SRRT: variants seen among roughly 807,000 people sequenced by gnomAD.
The protein encoded by SRRT is serrate, RNA effector molecule.
In SRRT, 32 loss-of-function variants were observed where a neutral mutation model predicts 103.2. That is an observed-to-expected ratio of 0.31 (90% confidence interval 0.23 to 0.42). The LOEUF (loss-of-function observed/expected upper bound fraction) is 0.42. Among genes scored for constraint, SRRT ranks in the 10% least tolerant of loss-of-function variants. The probability of loss-of-function intolerance (pLI) is 1.00; values close to 1 mark genes in which losing one functional copy is unlikely to be tolerated. For synonymous variants in SRRT, 525 were observed against 449.0 expected, an observed-to-expected ratio of 1.17 and a Z score of -2.14; for missense variants, 986 against 1,207.5, an observed-to-expected ratio of 0.82 and a Z score of 2.72.
rs1444556975 is a variant in SRRT, at chr7:100,887,673, T to C, written c.2170-30T>C. 1.9e-6 allele frequency: 3 copies of C among 1,594,884 alleles called. No individual in the cohort carries two copies. Among genetic ancestry groups the C allele is most frequent in the South Asian group, 1.1e-5 (1 of 90,032 alleles). On this transcript the variant is annotated intron_variant, in intron 16 of 19. Coordinates refer to ENST00000611405, the MANE Select transcript of SRRT (RefSeq NM_015908.6). This position sits in a 1 kb window ranked among gnomAD's most constrained non-coding sequence, Gnocchi z 4.1. ...GGGAGCGAGGCAACCCTTATGTGGC[T>C]GTCCTGACCCCTCTCCTCTCTCCAC...
In SRRT at chr7:100,887,459, G is replaced by T. The variant is rs772294248; in HGVS notation, c.2115G>T (p.Thr705=). 1.2e-6 allele frequency: 2 copies of T among 1,614,040 alleles called. No homozygotes were observed. The highest frequency in any genetic ancestry group is 1.7e-6 in the Non-Finnish European group (2 of 1,180,034). The part of the protein sequence containing the change: ...QEVEKFVTSN[T]QELGKDKWLC... ...TGGAGAAGTTCGTCACCTCCAACACGCAGGAACTGGGCAAGGATAAGTGGC... is the reference window on the plus strand; with the variant it reads ...TGGAGAAGTTCGTCACCTCCAACACTCAGGAACTGGGCAAGGATAAGTGGC... Residue 705 remains threonine, a synonymous_variant, in exon 16 of 20, where the codon ACG becomes ACT. Coordinates refer to ENST00000611405, the MANE Select transcript of SRRT (RefSeq NM_015908.6). This position sits in a 1 kb window ranked among gnomAD's most constrained non-coding sequence, Gnocchi z 4.1.
rs766955917 is a variant in SRRT at position 100,882,025 on chromosome 7, A to G, written c.399-28A>G. The G allele has an allele frequency of 1.9e-6, 3 of 1,597,504 alleles. No individual in the cohort carries two copies. The highest frequency in any genetic ancestry group is 2.6e-6 in the Non-Finnish European group (3 of 1,172,880). ...AGCCTCCCACCGTTCCCCAAAAACC[A>G]AGCCTTCCTGACCGGGGTCCCCTCC... On this transcript the variant is annotated intron_variant, in intron 4 of 19. Coordinates refer to ENST00000611405, the MANE Select transcript of SRRT (RefSeq NM_015908.6). The surrounding 1 kb of genome is among the most constrained non-coding windows in gnomAD (Gnocchi z 4.2).
chr7:100,885,993 C>T lies in SRRT; in HGVS notation c.1458+52C>T. 1 of 1,578,828 alleles carries T rather than the reference C, an allele frequency of 6.3e-7. No individual in the cohort carries two copies. The highest frequency in any genetic ancestry group is 1.1e-5 in the South Asian group (1 of 90,224). On this transcript the variant is annotated intron_variant, in intron 12 of 19. Transcript: ENST00000611405. This position sits in a 1 kb window ranked among gnomAD's most constrained non-coding sequence, Gnocchi z 4.8. ...GAAGAGGAAGGGAGACTCTGTGCCA[C>T]ACGGGACCTCTGTGTGACTTTGTTC...
In SRRT at chr7:100,875,452, T is replaced by C. The variant is rs1217480212; in HGVS notation, c.-18-121T>C. On this transcript the variant is annotated intron_variant, in intron 1 of 19. Transcript: ENST00000611405. ...TGGAGCCGCGTTCTCAGGCCTAGGA[T>C]GGTGGGGGCCGCGGAGGGCTGGCCT... 3.2e-5 allele frequency: 49 copies of C among 1,530,134 alleles called. No homozygotes were observed. In the East Asian group the frequency reaches 1.1e-3, roughly 34 times the overall value. 94.8% of individuals were successfully genotyped at this position (1,530,134 alleles called of 1,614,324 possible).
chr7:100,878,176 G>A (rs951224853), intron 2 of SRRT, among the ~76,000 whole-genome samples: 1 of 152,114 alleles, frequency 6.6e-6, no homozygotes, highest in Non-Finnish European at 1.5e-5. Context: ...GCTGGGGGTG[G>A]TGGCACATGC....
At position 100,888,133 on chromosome 7, in the gene SRRT, G is replaced by A. The variant is rs920739431; in HGVS notation, c.2418G>A (p.Leu806=). ...MPYGQPRPPI[L]GYGAGAVRPA... ...ATGGTCAGCCCCGGCCCCCGATCTT[G>A]GGCTATGGAGGTAAGTACAGGAGGG... Residue 806 remains leucine (L), a synonymous_variant, in exon 18 of 20, where the codon TTG becomes TTA. Coordinates refer to ENST00000611405, the MANE Select transcript of SRRT (RefSeq NM_015908.6). The A allele has an allele frequency of 6.2e-7, 1 of 1,610,692 alleles. No individual in the cohort carries two copies. Among genetic ancestry groups the A allele is most frequent in the African/African-American group, 1.3e-5 (1 of 74,872 alleles).
chr7:100,886,266 G>C lies in SRRT; in HGVS notation c.1478G>C (p.Ser493Thr). The change falls in exon 13 of 20, where the codon AGC (serine) becomes ACC (threonine). Residue 493 changes from serine to threonine, a missense_variant. By Grantham distance (58) the Ser-to-Thr change is moderately conservative. Transcript: ENST00000611405. ...CTCCAGCTCCGGGAGTGTGAGCTGA[G>C]CCCTGGTGTGAACAGGGACCTGACC... ...QNIRLRECEL[S>T]PGVNRDLTRR... is the part of the protein sequence containing the mutation. 2.5e-6 allele frequency: 4 copies of C among 1,612,394 alleles called. No individual in the cohort carries two copies. The South Asian group carries it at 4.4e-5, about 18-fold the overall frequency.
chr7:100,881,937 T>C, intron 4 of SRRT, 116 bp from the exon 5 acceptor site: 3 of 1,470,092 alleles, frequency 2.0e-6, no homozygotes, highest in Non-Finnish European at 2.7e-6. Flanking sequence ...TGGTAGCTGT[T>C]GGGGTTTGGG....
At chr7:100,879,106 C>T (rs1056804857) in intron 2 of SRRT, among the ~76,000 whole-genome samples, 1 of 152,102 alleles carries the variant, frequency 6.6e-6, no homozygotes, top group Admixed American at 6.6e-5. Flanking sequence ...CAGGTGCCTG[C>T]CACCACGCCC....
rs773092336 is a variant in SRRT at position 100,881,712 on chromosome 7, G to C, written c.305G>C (p.Gly102Ala). 7 of 1,613,772 alleles carry C rather than the reference G, an allele frequency of 4.3e-6. No individual in the cohort carries two copies. Among genetic ancestry groups the C allele is most frequent in the African/African-American group, 4.0e-5 (3 of 74,888 alleles). The change falls in exon 4 of 20, where the codon GGG becomes GCG. Residue 102 changes from glycine to alanine, a missense_variant. Transcript: ENST00000611405. ...YHSGYEMPYA[G>A]GGGGPTYGPP... ...AGTGGCTATGAGATGCCCTATGCTGGGGGGGGTGGGGGCCCAACTTATGGC... is the reference window on the plus strand; with the variant it reads ...AGTGGCTATGAGATGCCCTATGCTGCGGGGGGTGGGGGCCCAACTTATGGC...
chr7:100,884,499 G>T lies in SRRT; in HGVS notation c.889G>T (p.Asp297Tyr), dbSNP rs756497699. The T allele has an allele frequency of 6.2e-7, 1 of 1,613,504 alleles. No homozygotes were observed. The highest frequency in any genetic ancestry group is 8.5e-7 in the Non-Finnish European group (1 of 1,179,758). Residue 297 changes from aspartate (D) to tyrosine (Y), a missense_variant, in exon 7 of 20, where the codon GAC becomes TAC. Around this residue, in one of 6 missense-constraint regions of SRRT, gnomAD observed 166 missense variants for 148.6 expected, o/e 1.12. Coordinates refer to ENST00000611405, the MANE Select transcript of SRRT (RefSeq NM_015908.6). ...EEGRAGAGLG[D>Y]GERKTNDKDE... is the part of the protein sequence containing the mutation. ...AGGACGGGCTGGAGCAGGCCTAGGG[G>T]ACGGGGAGCGCAAAACCAACGACAA...
At chr7:100,877,073 T>C (rs1376954070) in intron 2 of SRRT, among the ~76,000 whole-genome samples, 1 of 151,848 alleles carries the variant, frequency 6.6e-6, no homozygotes, top group African/African-American at 2.4e-5. Context: ...ATAGCAATGA[T>C]GGGTAAAACC....
Position 100,885,607 on chromosome 7 carries a change from G to T in SRRT, c.1318-94G>T, listed in dbSNP as rs1477635053. On this transcript the variant is annotated intron_variant, in intron 10 of 19. Coordinates refer to ENST00000611405, the MANE Select transcript of SRRT (RefSeq NM_015908.6). The surrounding 1 kb of genome is among the most constrained non-coding windows in gnomAD (Gnocchi z 4.8). The stretch of plus-strand genomic sequence containing the variant: ...CAAGGATGGGAAGAGTGATAAGGCA[G>T]TTAGTCCCTAGGGTTCTGAGGGCAG... 1 of 1,350,240 alleles carries T rather than the reference G, an allele frequency of 7.4e-7. No homozygotes were observed. The highest frequency in any genetic ancestry group is 1.0e-6 in the Non-Finnish European group (1 of 964,710). 83.6% of individuals were successfully genotyped at this position (1,350,240 alleles called of 1,614,324 possible). A position where few individuals can be genotyped will look rare whatever the true frequency, so the allele number is the denominator to read the frequency against.
rs1308932997 is a variant in SRRT at position 100,875,307 on chromosome 7, C to A, written c.-40C>A. On this transcript the variant is annotated 5_prime_UTR_variant, in exon 1 of 20. Coordinates refer to ENST00000611405, the MANE Select transcript of SRRT (RefSeq NM_015908.6). ...AATCTAGCCCGTCCGAGCGCGAGTC[C>A]AACGGCCGCGGCCGCACCAAGGTGG... 6.3e-6 allele frequency: 7 copies of A among 1,103,382 alleles called. No homozygotes were observed. The highest frequency in any genetic ancestry group is 8.1e-6 in the Non-Finnish European group (7 of 865,876). 68.3% of individuals were successfully genotyped at this position (1,103,382 alleles called of 1,614,324 possible).
At position 100,882,875 on chromosome 7, in the gene SRRT, C is replaced by T. The variant is rs1468451853; in HGVS notation, c.587+634C>T. The T allele has an allele frequency of 3.3e-5, 5 of 152,996 alleles. No individual in the cohort carries two copies. Among genetic ancestry groups the T allele is most frequent in the East Asian group, 1.9e-4 (1 of 5,160 alleles). The allele number at this position is 152,996 out of a possible 1,614,324, so 9.5% of individuals were successfully genotyped here. ...GCCCCTGGGCTGAGCTGCGCGGCCC[C>T]GGCCAGGCAGACAGGCCAGGGCACT... is the stretch of plus-strand genomic sequence containing the variant. On this transcript the variant is annotated intron_variant, in intron 5 of 19. Coordinates refer to ENST00000611405, the MANE Select transcript of SRRT (RefSeq NM_015908.6). The surrounding 1 kb of genome is among the most constrained non-coding windows in gnomAD (Gnocchi z 4.2).
At chr7:100,878,914 C>T (rs1182214486) in intron 2 of SRRT, among the ~76,000 whole-genome samples, 5 of 151,784 alleles carry the variant, frequency 3.3e-5, no homozygotes, top group African/African-American at 1.2e-4. Flanking sequence ...CCTTTCTTTT[C>T]TTTTCTTTTC....
intron 2 of SRRT, chr7:100,880,656 T>A (rs1177728072): frequency 4.9e-6 from 2 of 408,854 alleles, no homozygotes. Context: ...GGACTTCTAG[T>A]AGGGGATGAT....
Position 100,888,246 on chromosome 7 carries a change from C to G in SRRT, c.2429-11C>G. ...CATAGTTTTGCAACTCAACACTGAT[C>G]TCTGTCATAGCTGGTGCTGTCCGCC... On this transcript the variant is annotated splice_polypyrimidine_tract_variant and intron_variant, in intron 18 of 19. Coordinates refer to ENST00000611405, the MANE Select transcript of SRRT (RefSeq NM_015908.6). 6.2e-7 allele frequency: 1 copy of G among 1,605,270 alleles called. No homozygotes were observed. Among genetic ancestry groups the G allele is most frequent in the South Asian group, 1.1e-5 (1 of 90,636 alleles).
rs190000691 is a variant in SRRT at position 100,882,633 on chromosome 7, C to T, written c.587+392C>T. ...ATCCAGACAAGAAAAGCAAAGATCT[C>T]GGTCGTTTGACAGAAAAAGAATTTT... On this transcript the variant is annotated intron_variant, in intron 5 of 19. Transcript: ENST00000611405. The surrounding 1 kb of genome is among the most constrained non-coding windows in gnomAD (Gnocchi z 4.2). The T allele has an allele frequency of 3.6e-5, 6 of 167,418 alleles. No homozygotes were observed. Among genetic ancestry groups the T allele is most frequent in the Non-Finnish European group, 7.7e-5 (6 of 78,300 alleles). 10.4% of individuals were successfully genotyped at this position (167,418 alleles called of 1,614,324 possible). A position where few individuals can be genotyped will look rare whatever the true frequency, so the allele number is the denominator to read the frequency against.
Sources: gnomAD v4.1 joint callset for allele counts (sites outside exome capture counted in the v4.1 genomes callset) on GRCh38, gnomAD v4.1.1 for gene constraint, gnomAD v4.1.1 regional missense constraint, Gnocchi (gnomAD v3.1) non-coding constraint, MANE v1.5 for transcripts, NCBI Gene and HGNC (gene_info 2026-07-23, HGNC 2026-07-21) for gene names.